The following RAPGEF6 variants were observed in gnomAD, a reference collection of about 807,000 sequenced individuals.
RAPGEF6 encodes Rap guanine nucleotide exchange factor 6.
In RAPGEF6, 56 loss-of-function variants were observed where a neutral mutation model predicts 171.4. That is an observed-to-expected ratio of 0.33 (90% CI 0.26 to 0.41). The LOEUF (loss-of-function observed/expected upper bound fraction) is 0.41, where lower values mean the gene tolerates loss of function less well. Among genes scored for constraint, RAPGEF6 ranks in the 10% least tolerant of loss-of-function variants. The pLI is 1.00. For missense variants in RAPGEF6, 1,674 were observed against 1,921.4 expected, an observed-to-expected ratio of 0.87 and a Z score of 2.41; for synonymous variants, 692 against 650.1, an observed-to-expected ratio of 1.06 and a Z score of -0.98.
rs371694547 is a variant in RAPGEF6 at position 131,505,788 on chromosome 5, A to G, written c.943-266T>C. Among the ~76,000 whole-genome samples, 16 of 152,312 alleles carry G rather than the reference A, an allele frequency of 1.1e-4. No individual in the cohort carries two copies. In the East Asian group the frequency reaches 1.2e-3, roughly 11 times the overall value. On this transcript the variant is annotated intron_variant, in intron 9 of 27. Coordinates refer to ENST00000509018, the MANE Select transcript of RAPGEF6 (RefSeq NM_016340.6). ...ACAAAATAGTGTAATGTTCAAGAGC[A>G]CAAACTCTTGGAATATTAATCCATA...
At chr5:131,606,049 AAAAAGAAAAAGAAAAG>A (rs1764551294) in intron 1 of RAPGEF6, among the ~76,000 whole-genome samples, 1 of 133,450 alleles carries the variant, frequency 7.5e-6, no homozygotes, top group Admixed American at 7.3e-5. Context: ...AAAAAAAAAA[AAAAAGAAAAAGAAAAG>A]AAAAGAAAAG....
At chr5:131,487,314 G>C (rs1020233730) in intron 15 of RAPGEF6, among the ~76,000 whole-genome samples, 1 of 152,236 alleles carries the variant, frequency 6.6e-6, no homozygotes, top group Non-Finnish European at 1.5e-5. Context: ...AAAGCTTCCA[G>C]AGGGTGGAAG....
intron 7 of RAPGEF6, among the ~76,000 whole-genome samples, chr5:131,518,545 G>T (rs1489446057): frequency 6.6e-6 from 1 of 151,826 alleles, no homozygotes; most frequent in Non-Finnish European, 1.5e-5. Flanking sequence ...TTACAGGCAT[G>T]CTCCATCACC....
At chr5:131,514,676 A>T (rs1482805857) in intron 7 of RAPGEF6, among the ~76,000 whole-genome samples, 1 of 152,196 alleles carries the variant, frequency 6.6e-6, no homozygotes, top group Non-Finnish European at 1.5e-5. Context: ...AATAAATTTG[A>T]AGAAAGGGCA....
chr5:131,452,991 T>C, intron 21 of RAPGEF6, 63 bp downstream of exon 21: 1 of 1,530,092 alleles, frequency 6.5e-7, no homozygotes, highest in Admixed American at 2.0e-5. Context: ...AAATGATAAA[T>C]ATTTTAATTA....
chr5:131,597,660 T>A (rs1301658076), intron 3 of RAPGEF6, among the ~76,000 whole-genome samples: 1 of 152,110 alleles, frequency 6.6e-6, no homozygotes, highest in Non-Finnish European at 1.5e-5. Context: ...AAAAAGTTGA[T>A]ACCATAGAAG....
intron 15 of RAPGEF6, among the ~76,000 whole-genome samples, chr5:131,480,928 C>CTTT (rs34370165): frequency 8.6e-4 from 123 of 142,296 alleles, no homozygotes; most frequent in African/African-American, 3.1e-3. Context: ...TTAGATACTG[C>CTTT]TTTTTTTTTT....
At chr5:131,627,992 C>T (rs541469024) in intron 1 of RAPGEF6, among the ~76,000 whole-genome samples, 1 of 152,154 alleles carries the variant, frequency 6.6e-6, no homozygotes, top group Non-Finnish European at 1.5e-5. Context: ...CCAACTGTTC[C>T]ACTGGCTGTT....
At chr5:131,539,905 T>C (rs1208058853) in intron 6 of RAPGEF6, among the ~76,000 whole-genome samples, 2 of 152,172 alleles carry the variant, frequency 1.3e-5, no homozygotes, top group East Asian at 1.9e-4. Flanking sequence ...GCGTGTCACA[T>C]CATCCTACCA....
chr5:131,491,480 G>A (rs1247876492), intron 14 of RAPGEF6, among the ~76,000 whole-genome samples: 1 of 152,108 alleles, frequency 6.6e-6, no homozygotes, highest in African/African-American at 2.4e-5. Context: ...TGATGATCAG[G>A]CAGATTTGGG....
chr5:131,617,221 G>C (rs182340408), intron 1 of RAPGEF6, among the ~76,000 whole-genome samples: 17 of 152,106 alleles, frequency 1.1e-4, no homozygotes, highest in Non-Finnish European at 2.1e-4. Context: ...AGGCAGGAGG[G>C]ATCACTTGAG....
intron 1 of RAPGEF6, among the ~76,000 whole-genome samples, chr5:131,617,410 G>A (rs939119472): frequency 2.0e-5 from 3 of 152,168 alleles, no homozygotes; most frequent in African/African-American, 2.4e-5. Flanking sequence ...TCTGCTTAAC[G>A]TTTATTATCT....
chr5:131,609,408 G>A lies in RAPGEF6; in HGVS notation c.70-4715C>T, dbSNP rs200985307. Among the ~76,000 whole-genome samples the A allele has an allele frequency of 1.6e-3, 239 of 152,220 alleles. 1 individual carries two copies. The highest frequency in any genetic ancestry group is 5.6e-3 in the African/African-American group (231 of 41,546). On this transcript the variant is annotated intron_variant, in intron 1 of 27. Coordinates refer to ENST00000509018, the MANE Select transcript of RAPGEF6 (RefSeq NM_016340.6). The stretch of plus-strand genomic sequence containing the variant: ...GTAAAGACACAGGATGGAGACATGG[G>A]AATGGGCACAAAGTGTATAAAGTTT...
chr5:131,476,333 C>A (rs1291696243), intron 16 of RAPGEF6, among the ~76,000 whole-genome samples: 2 of 152,148 alleles, frequency 1.3e-5, no homozygotes, highest in Non-Finnish European at 2.9e-5. Context: ...AACCTGTAAT[C>A]CCAGCACTCT....
chr5:131,468,734 T>C (rs1425866737), intron 17 of RAPGEF6, among the ~76,000 whole-genome samples: 4 of 152,170 alleles, frequency 2.6e-5, no homozygotes, highest in African/African-American at 4.8e-5. Flanking sequence ...GGGAATTTAC[T>C]TACATTCAAG....
intron 26 of RAPGEF6, 127 bp downstream of exon 26, chr5:131,430,732 T>C (rs184540240): frequency 7.7e-7 from 1 of 1,299,322 alleles, no homozygotes; most frequent in East Asian, 2.3e-5. Flanking sequence ...CTTGTTTGTT[T>C]GTGAAGGAAA....
At chr5:131,528,276 T>A (rs1449945309) in intron 6 of RAPGEF6, among the ~76,000 whole-genome samples, 4 of 117,628 alleles carry the variant, frequency 3.4e-5, no homozygotes, top group African/African-American at 1.2e-4. Flanking sequence ...ATATTTATAT[T>A]ATATATATAT....
chr5:131,483,217 C>T (rs370003819), intron 15 of RAPGEF6, among the ~76,000 whole-genome samples: 8 of 151,602 alleles, frequency 5.3e-5, no homozygotes, highest in African/African-American at 1.5e-4. Flanking sequence ...GGCACGGTGG[C>T]GCATGCCTGT....
At chr5:131,490,344 A>G (rs903646546) in intron 14 of RAPGEF6, among the ~76,000 whole-genome samples, 71 of 152,340 alleles carry the variant, frequency 4.7e-4, no homozygotes, top group Middle Eastern at 3.4e-3. Context: ...GATAAGAAAA[A>G]GAGTGAAAAA....
Sources: allele counts gnomAD v4.1 joint callset (sites outside exome capture counted in the v4.1 genomes callset), GRCh38; gene constraint gnomAD v4.1.1; transcripts MANE v1.5; gene names NCBI Gene and HGNC (gene_info 2026-07-23, HGNC 2026-07-21).